The following DDX4 variants were observed in gnomAD, a reference collection of about 807,000 sequenced individuals.
The protein encoded by DDX4 is DEAD-box helicase 4.
DDX4 carries 25 observed loss-of-function variants against 100.0 expected under a neutral mutation model. The ratio of observed to expected loss-of-function variants is 0.25; its 90% CI spans 0.18 to 0.35. The LOEUF is 0.35. DDX4 is among the 10% of genes least tolerant of loss of function. The probability of loss-of-function intolerance (pLI) is 1.00; values close to 1 mark genes in which losing one functional copy is unlikely to be tolerated. For missense variants in DDX4, 635 were observed against 882.4 expected, an observed-to-expected ratio of 0.72 and a Z score of 3.55; for synonymous variants, 259 against 275.7, an observed-to-expected ratio of 0.94 and a Z score of 0.60.
chr5:55,739,736 TAGTGG>T (rs762945233), intron 2 of DDX4, among the ~76,000 whole-genome samples: 33 of 152,228 alleles, frequency 2.2e-4, no homozygotes, highest in Non-Finnish European at 3.7e-4. Context: ...AGTTTTGCCT[TAGTGG>T]AAGTTCTTAT....
In DDX4 at chr5:55,760,206, A is replaced by G. The variant is rs1350800651; in HGVS notation, c.134A>G (p.Asp45Gly). 5.7e-6 allele frequency: 9 copies of G among 1,571,562 alleles called. No homozygotes were observed. The highest frequency in any genetic ancestry group is 6.9e-6 in the Non-Finnish European group (8 of 1,163,852). ...NRTPASSSEM[D>G]DGPSRRDHFM... ...AAAATGTTGTTTGCTTTAGAAATGG[A>G]TGATGGACCTTCTCGAAGAGATCAT... The change falls in exon 4 of 22, where the codon GAT becomes GGT. Residue 45 changes from aspartate (D) to glycine (G), a missense_variant. Transcript: ENST00000505374.
chr5:55,774,421 G>C (rs1028706518), intron 7 of DDX4, among the ~76,000 whole-genome samples: 1 of 152,086 alleles, frequency 6.6e-6, no homozygotes, highest in Admixed American at 6.5e-5. Context: ...CAAAGTGCTC[G>C]GATTACAGGT....
intron 7 of DDX4, 73 bp downstream of exon 7, chr5:55,768,013 G>C (rs1741037306): frequency 1.5e-6 from 2 of 1,359,672 alleles, no homozygotes. Context: ...TTTTGAAGGA[G>C]CTGGATGAAA....
chr5:55,788,223 C>G (rs1374281060), intron 15 of DDX4, among the ~76,000 whole-genome samples: 2 of 151,774 alleles, frequency 1.3e-5, no homozygotes, highest in African/African-American at 4.8e-5. Context: ...GACTATAATC[C>G]CAGTGCTTTG....
intron 7 of DDX4, among the ~76,000 whole-genome samples, chr5:55,779,326 T>A (rs962180280): frequency 6.6e-6 from 1 of 152,240 alleles, no homozygotes; most frequent in Non-Finnish European, 1.5e-5. Context: ...ATAGAATTTA[T>A]CTTTATTCAT....
Position 55,767,958 on chromosome 5 carries a change from G to A in DDX4, c.394+18G>A, listed in dbSNP as rs373279272. Reference sequence around the variant, plus strand: ...GAGAGGCGGTAAGGACCACATTTTGGAACAATTTGTACTTAACACAGAGAC... The same window carrying A: ...GAGAGGCGGTAAGGACCACATTTTGAAACAATTTGTACTTAACACAGAGAC... On this transcript the variant is annotated intron_variant, in intron 7 of 21. Coordinates refer to ENST00000505374, the MANE Select transcript of DDX4 (RefSeq NM_024415.3). 87 of 1,611,388 alleles carry A rather than the reference G, an allele frequency of 5.4e-5. No homozygotes were observed. In the African/African-American group the frequency reaches 1.1e-3, roughly 21 times the overall value.
At chr5:55,775,792 T>C (rs961608657) in intron 7 of DDX4, among the ~76,000 whole-genome samples, 3 of 152,202 alleles carry the variant, frequency 2.0e-5, no homozygotes, top group Non-Finnish European at 2.9e-5. Flanking sequence ...AAATGCAGAC[T>C]ATACCTTCTG....
chr5:55,815,784 T>C (rs2112210707), intron 21 of DDX4, among the ~76,000 whole-genome samples: 1 of 150,984 alleles, frequency 6.6e-6, no homozygotes, highest in South Asian at 2.1e-4. Flanking sequence ...CTTTTTTTTT[T>C]TTTTTGAGAT....
At chr5:55,760,121 G>A in intron 3 of DDX4, 79 bp from the exon 4 acceptor site, 2 of 1,446,948 alleles carry the variant, frequency 1.4e-6, no homozygotes, top group Non-Finnish European at 1.8e-6. Flanking sequence ...TTTGCCACAT[G>A]TGGCACAGAA....
At chr5:55,785,150 C>A in intron 10 of DDX4, 147 bp from the exon 11 acceptor site, 1 of 661,260 alleles carries the variant, frequency 1.5e-6, no homozygotes, top group Non-Finnish European at 2.7e-6. Context: ...TAAAAATGTA[C>A]AAGGTTCTAT....
At chr5:55,792,123 C>CAAAAAAAAAAAAAAAAAAAAAAAAA in intron 16 of DDX4, among the ~76,000 whole-genome samples, 1 of 52,062 alleles carries the variant, frequency 1.9e-5, no homozygotes, top group African/African-American at 6.6e-5. Flanking sequence ...GACTCCTTCT[C>CAAAAAAAAAAAAAAAAAAAAAAAAA]AAAAAAAAAA....
At chr5:55,772,079 C>T (rs114944389) in intron 7 of DDX4, among the ~76,000 whole-genome samples, 3,678 of 152,148 alleles carry the variant, frequency 0.024, 59 homozygotes, top group South Asian at 0.051. Context: ...ATTAGCTGGG[C>T]GCATGCCTGT....
chr5:55,816,404 G>A (rs1744420022), intron 21 of DDX4, 59 bp from the exon 22 acceptor site: 2 of 1,530,830 alleles, frequency 1.3e-6, no homozygotes. Flanking sequence ...TAACTTTAAA[G>A]CTGTCATAAA....
intron 6 of DDX4, chr5:55,766,941 G>C (rs1740961777): frequency 6.6e-7 from 1 of 1,517,194 alleles, no homozygotes; most frequent in South Asian, 1.2e-5. Context: ...TGGGGTCTAG[G>C]AATTTATTTT....
Position 55,760,169 on chromosome 5 carries a change from T to C in DDX4, c.128-31T>C, listed in dbSNP as rs184810783. ...GCAAGTACTAGATACTTGTTTTTAT[T>C]TGACTTACTTCAAAATGTTGTTTGC... On this transcript the variant is annotated intron_variant, in intron 3 of 21. Transcript: ENST00000505374. 7.9e-4 allele frequency: 1,232 copies of C among 1,563,598 alleles called. 1 individual carries two copies. The highest frequency in any genetic ancestry group is 9.5e-4 in the Non-Finnish European group (1,103 of 1,160,758).
At chr5:55,794,482 G>A (rs997157921) in intron 17 of DDX4, among the ~76,000 whole-genome samples, 2 of 151,572 alleles carry the variant, frequency 1.3e-5, no homozygotes, top group Admixed American at 1.3e-4. Flanking sequence ...TTACAGGCAT[G>A]AGCCACCACA....
intron 18 of DDX4, among the ~76,000 whole-genome samples, chr5:55,799,375 T>G (rs1461352849): frequency 3.9e-5 from 6 of 152,132 alleles, no homozygotes; most frequent in African/African-American, 1.4e-4. Flanking sequence ...ATTTTACTTT[T>G]TATTATTTTT....
intron 15 of DDX4, among the ~76,000 whole-genome samples, chr5:55,790,214 G>A (rs13157050): frequency 0.12 from 16,904 of 144,532 alleles, 1,478 homozygotes; most frequent in East Asian, 0.29. Flanking sequence ...GTGGGATCTC[G>A]GCTCACTGCA....
chr5:55,780,569 C>T (rs1163093444), intron 8 of DDX4, among the ~76,000 whole-genome samples: 1 of 152,136 alleles, frequency 6.6e-6, no homozygotes, highest in Non-Finnish European at 1.5e-5. Flanking sequence ...TTAATAGATG[C>T]GTAGCAGACT....
Sources: gnomAD v4.1 joint callset for allele counts (sites outside exome capture counted in the v4.1 genomes callset) on GRCh38, gnomAD v4.1.1 for gene constraint, MANE v1.5 for transcripts, NCBI Gene and HGNC (gene_info 2026-07-23, HGNC 2026-07-21) for gene names.